HEMK2: variants seen among roughly 807,000 people sequenced by gnomAD.
The protein encoded by HEMK2 is HemK methyltransferase 2, ETF1 glutamine and histone H4 lysine, also known as methyltransferase HEMK2.
At chr21:28,881,528 G>A in the HEMK2 span, among the ~76,000 whole-genome samples, 1 of 152,080 alleles carries the variant, frequency 6.6e-6, no homozygotes, top group Admixed American at 6.5e-5. Context: ...AGGGAAGACT[G>A]CCTAGGAATA....
chr21:28,617,449 C>T, the HEMK2 span, among the ~76,000 whole-genome samples: 550 of 152,328 alleles, frequency 3.6e-3, 4 homozygotes, highest in African/African-American at 0.012. Flanking sequence ...CTCACTGCTT[C>T]CCTTTCACAC....
the HEMK2 span, among the ~76,000 whole-genome samples, chr21:28,743,956 C>T: frequency 6.6e-6 from 1 of 152,154 alleles, no homozygotes; most frequent in Non-Finnish European, 1.5e-5. Flanking sequence ...GTGGATGGAA[C>T]TGGAGGCTGT....
chr21:28,613,539 C>G, the HEMK2 span, among the ~76,000 whole-genome samples: 45 of 151,428 alleles, frequency 3.0e-4, no homozygotes, highest in African/African-American at 1.1e-3. Flanking sequence ...TTTCAAATTA[C>G]CCACCAGCAA....
At chr21:28,621,710 T>G in the HEMK2 span, among the ~76,000 whole-genome samples, 2 of 152,174 alleles carry the variant, frequency 1.3e-5, no homozygotes, top group South Asian at 4.1e-4. Context: ...AAGAACCTTC[T>G]TAAGGGTGGG....
At chr21:28,862,861 G>A in the HEMK2 span, among the ~76,000 whole-genome samples, 1 of 152,130 alleles carries the variant, frequency 6.6e-6, no homozygotes, top group Non-Finnish European at 1.5e-5. Flanking sequence ...TTTAAGTACT[G>A]TTAACTTTAT....
At chr21:28,651,892 C>T in the HEMK2 span, among the ~76,000 whole-genome samples, 1 of 152,122 alleles carries the variant, frequency 6.6e-6, no homozygotes, top group East Asian at 1.9e-4. Context: ...AGTAAGACAA[C>T]TTGTTCAAAT....
the HEMK2 span, among the ~76,000 whole-genome samples, chr21:28,793,408 T>A: frequency 6.6e-6 from 1 of 152,206 alleles, no homozygotes; most frequent in Non-Finnish European, 1.5e-5. Context: ...TGTGTAAATA[T>A]CCCCGGGATA....
the HEMK2 span, among the ~76,000 whole-genome samples, chr21:28,576,855 C>T: frequency 1.3e-5 from 2 of 152,076 alleles, no homozygotes; most frequent in East Asian, 1.9e-4. Context: ...GGATGGGAGG[C>T]GCCTGCCACC....
the HEMK2 span, chr21:28,626,745 A>G: frequency 6.6e-6 from 1 of 152,188 alleles, no homozygotes; most frequent in Non-Finnish European, 1.5e-5. Flanking sequence ...AACAAGCGAA[A>G]AAAGAAATAC....
chr21:28,841,368 A>ATATTATATATAATATAT, the HEMK2 span, among the ~76,000 whole-genome samples: 6 of 27,126 alleles, frequency 2.2e-4, no homozygotes, highest in African/African-American at 2.0e-3. Context: ...TATATTATAT[A>ATATTATATATAATATAT]AAATATTATA....
chr21:28,858,314 T>C, the HEMK2 span, among the ~76,000 whole-genome samples: 1 of 152,152 alleles, frequency 6.6e-6, no homozygotes, highest in Non-Finnish European at 1.5e-5. Context: ...TTGAAGCCCA[T>C]AGACTACCTT....
chr21:28,710,528 CCT>C, the HEMK2 span, among the ~76,000 whole-genome samples: 1 of 152,176 alleles, frequency 6.6e-6, no homozygotes, highest in Non-Finnish European at 1.5e-5. Flanking sequence ...CCACAAATCA[CCT>C]AAATACTTTA....
chr21:28,841,396 T>TATATATATAAA, the HEMK2 span, among the ~76,000 whole-genome samples: 1 of 32,938 alleles, frequency 3.0e-5, no homozygotes, highest in South Asian at 7.6e-4. Flanking sequence ...TATAAAATAT[T>TATATATATAAA]ATATATATAA....
chr21:28,745,323 A>G, the HEMK2 span, among the ~76,000 whole-genome samples: 1 of 152,234 alleles, frequency 6.6e-6, no homozygotes, highest in Non-Finnish European at 1.5e-5. Context: ...CTCCTTTCAC[A>G]TACTTACTCC....
At chr21:28,831,474 A>C in the HEMK2 span, among the ~76,000 whole-genome samples, 598 of 42,364 alleles carry the variant, frequency 0.014, 25 homozygotes, top group East Asian at 0.06. Flanking sequence ...AAAGAAAGAA[A>C]GAAAGAAAGA....
chr21:28,704,542 T>A, the HEMK2 span, among the ~76,000 whole-genome samples: 1 of 136,758 alleles, frequency 7.3e-6, no homozygotes, highest in East Asian at 2.2e-4. Context: ...TTCAGCATGT[T>A]CCAGAAGGTT....
At chr21:28,687,749 G>A in the HEMK2 span, among the ~76,000 whole-genome samples, 1 of 152,164 alleles carries the variant, frequency 6.6e-6, no homozygotes, top group Non-Finnish European at 1.5e-5. Flanking sequence ...CGTGACAAGG[G>A]ACATGACTAA....
At chr21:28,783,216 G>A in the HEMK2 span, among the ~76,000 whole-genome samples, 405 of 151,438 alleles carry the variant, frequency 2.7e-3, 2 homozygotes, top group African/African-American at 9.1e-3. Context: ...ACAGAATCTC[G>A]CTCTGTTGCC....
chr21:28,623,130 A>G, the HEMK2 span, among the ~76,000 whole-genome samples: 8 of 152,188 alleles, frequency 5.3e-5, no homozygotes, highest in Non-Finnish European at 1.2e-4. Context: ...CAAGGAACTT[A>G]AACAAATTTA....
Sources: allele counts gnomAD v4.1 joint callset (sites outside exome capture counted in the v4.1 genomes callset), GRCh38; gene constraint gnomAD v4.1.1; transcripts MANE v1.5; gene names NCBI Gene and HGNC (gene_info 2026-07-23, HGNC 2026-07-21).